TLE4: variants seen among roughly 807,000 people sequenced by gnomAD.
TLE4 encodes the protein TLE family member 4, transcriptional corepressor.
Under a neutral mutation model 92.8 loss-of-function variants are expected in TLE4, and 8 were observed. That is an observed-to-expected ratio of 0.09 (90% confidence interval 0.05 to 0.16). The LOEUF (loss-of-function observed/expected upper bound fraction) is 0.16. TLE4 is among the 10% of genes least tolerant of loss of function. The probability of loss-of-function intolerance (pLI) is 1.00; values close to 1 mark genes in which losing one functional copy is unlikely to be tolerated. For synonymous variants in TLE4, 371 were observed against 374.1 expected (o/e 0.99, Z 0.10); for missense variants, 675 against 997.6 (o/e 0.68, Z 4.36).
intron 4 of TLE4, among the ~76,000 whole-genome samples, chr9:79,600,390 C>T (rs989657868): frequency 1.3e-5 from 2 of 152,116 alleles, no homozygotes; most frequent in Non-Finnish European, 2.9e-5. Context: ...CAGCCTGTCT[C>T]GGGTGGCTTC....
intron 4 of TLE4, among the ~76,000 whole-genome samples, chr9:79,599,924 T>A (rs1329499931): frequency 6.6e-6 from 1 of 152,226 alleles, no homozygotes; most frequent in Non-Finnish European, 1.5e-5. Context: ...TATATACTTG[T>A]ATGTTTGCTT....
chr9:79,652,645 T>C lies in TLE4; in HGVS notation c.443T>C (p.Leu148Pro). 6.2e-7 allele frequency: 1 copy of C among 1,614,200 alleles called. No individual in the cohort carries two copies. Among genetic ancestry groups the C allele is most frequent in the Non-Finnish European group, 8.5e-7 (1 of 1,180,018 alleles). Residue 148 changes from leucine (L) to proline (P), a missense_variant, in exon 7 of 20, where the codon CTG becomes CCG. Transcript: ENST00000376552. The stretch of plus-strand genomic sequence containing the variant: ...CATGGACATGGTCTCCCCGTACCTC[T>C]GACTCCACACCCTTCAGGGCTCCAG... ...LSHGHGLPVP[L>P]TPHPSGLQPP...
In TLE4 at chr9:79,625,638, G is replaced by A. The variant is rs1403848101; in HGVS notation, c.316-1736G>A. Among the ~76,000 whole-genome samples, 3 of 151,914 alleles carry A rather than the reference G, an allele frequency of 2.0e-5. No homozygotes were observed. In the East Asian group the frequency reaches 5.8e-4, roughly 29 times the overall value. On this transcript the variant is annotated intron_variant, in intron 5 of 19. Coordinates refer to ENST00000376552, the MANE Select transcript of TLE4 (RefSeq NM_007005.6). ...CAAATTGTCTTCAATGTGAACATGA[G>A]CTCTGTGTTTGGCACATAGTAAGTG...
intron 8 of TLE4, among the ~76,000 whole-genome samples, chr9:79,679,574 C>A (rs1457671596): frequency 6.6e-6 from 1 of 152,124 alleles, no homozygotes; most frequent in African/African-American, 2.4e-5. Flanking sequence ...GTTGCCTGTT[C>A]ACTCTGATGG....
At chr9:79,723,818 T>C (rs946850378) in intron 19 of TLE4, among the ~76,000 whole-genome samples, 3 of 152,354 alleles carry the variant, frequency 2.0e-5, no homozygotes, top group Middle Eastern at 3.4e-3. Flanking sequence ...ATTGTTGCAG[T>C]CATGAAGCTT....
chr9:79,683,423 G>C (rs760360872), intron 8 of TLE4, among the ~76,000 whole-genome samples: 4 of 152,144 alleles, frequency 2.6e-5, no homozygotes, highest in Non-Finnish European at 5.9e-5. Flanking sequence ...TGATATTCAG[G>C]TGTGGAGAGA....
At chr9:79,608,697 T>C (rs2047664658) in intron 4 of TLE4, among the ~76,000 whole-genome samples, 1 of 152,062 alleles carries the variant, frequency 6.6e-6, no homozygotes, top group African/African-American at 2.4e-5. Flanking sequence ...AATAACGCTT[T>C]GTTATTCTGT....
chr9:79,573,450 CG>C, intron 1 of TLE4: 3 of 1,113,270 alleles, frequency 2.7e-6, no homozygotes, highest in Non-Finnish European at 2.3e-6. Flanking sequence ...CTCGAACCCT[CG>C]GGGTCCGGGG....
intron 6 of TLE4, among the ~76,000 whole-genome samples, chr9:79,628,908 G>GTA (rs1394471553): frequency 4.4e-4 from 63 of 142,778 alleles, no homozygotes; most frequent in Admixed American, 1.2e-3. Context: ...GTGTGTGTGT[G>GTA]TATATGTATA....
chr9:79,675,686 C>T (rs1438147824), intron 8 of TLE4, among the ~76,000 whole-genome samples: 4 of 152,130 alleles, frequency 2.6e-5, no homozygotes, highest in Non-Finnish European at 5.9e-5. Flanking sequence ...ATTCACTAAG[C>T]ACTGTCACTG....
chr9:79,586,710 C>G (rs2041202871), intron 4 of TLE4, among the ~76,000 whole-genome samples: 1 of 151,142 alleles, frequency 6.6e-6, no homozygotes. Flanking sequence ...TAATCTTGGC[C>G]TTTTGGAGTT....
At chr9:79,632,274 A>G (rs2054484965) in intron 6 of TLE4, among the ~76,000 whole-genome samples, 1 of 152,170 alleles carries the variant, frequency 6.6e-6, no homozygotes, top group African/African-American at 2.4e-5. Flanking sequence ...TGGGGGAGAC[A>G]CCTGTAAGAT....
intron 6 of TLE4, among the ~76,000 whole-genome samples, chr9:79,629,646 C>T (rs1041106387): frequency 6.6e-6 from 1 of 152,142 alleles, no homozygotes; most frequent in Non-Finnish European, 1.5e-5. Flanking sequence ...CTTCCAAACT[C>T]TTGGTATCTG....
chr9:79,702,087 C>T (rs982287973), intron 8 of TLE4, among the ~76,000 whole-genome samples: 1 of 152,110 alleles, frequency 6.6e-6, no homozygotes, highest in Non-Finnish European at 1.5e-5. Flanking sequence ...TAGTCATTGC[C>T]ATAAGCCAGG....
chr9:79,642,433 C>CT (rs984411619), intron 6 of TLE4, among the ~76,000 whole-genome samples: 1 of 151,116 alleles, frequency 6.6e-6, no homozygotes, highest in Admixed American at 6.6e-5. Flanking sequence ...CTCAGCTTTA[C>CT]TTTTTTTTAA....
intron 8 of TLE4, among the ~76,000 whole-genome samples, chr9:79,676,385 A>T (rs534233280): frequency 2.0e-5 from 3 of 152,176 alleles, no homozygotes; most frequent in Non-Finnish European, 4.4e-5. Flanking sequence ...AGTATAAATC[A>T]CTATGATATG....
chr9:79,628,936 T>G (rs1161164026), intron 6 of TLE4, among the ~76,000 whole-genome samples: 1 of 151,430 alleles, frequency 6.6e-6, no homozygotes, highest in African/African-American at 2.4e-5. Flanking sequence ...TGTGCTCCAT[T>G]GACGTGTGTG....
At chr9:79,625,072 T>C (rs1275904774) in intron 5 of TLE4, among the ~76,000 whole-genome samples, 1 of 126,866 alleles carries the variant, frequency 7.9e-6, no homozygotes, top group African/African-American at 3.0e-5. Flanking sequence ...CAGGCTGGAG[T>C]GCAGTGGCGG....
At chr9:79,662,302 A>C (rs10780319) in intron 8 of TLE4, among the ~76,000 whole-genome samples, 85,769 of 151,996 alleles carry the variant, frequency 0.56, 26,342 homozygotes, top group East Asian at 0.74. Context: ...GCTGACTTCA[A>C]ATTTGAGAAT....
Sources: gnomAD v4.1 joint callset for allele counts (sites outside exome capture counted in the v4.1 genomes callset) on GRCh38, gnomAD v4.1.1 for gene constraint, MANE v1.5 for transcripts, NCBI Gene and HGNC (gene_info 2026-07-23, HGNC 2026-07-21) for gene names.